The following FALEC variants were observed in gnomAD, a reference collection of about 807,000 sequenced individuals.
FALEC encodes the protein focally amplified lncRNA regulator of ECM1, also known as focally amplified lncRNA on chromosome 1.
chr1:150,529,739 A>C, the FALEC span, among the ~76,000 whole-genome samples: 5 of 151,978 alleles, frequency 3.3e-5, no homozygotes, highest in Non-Finnish European at 7.4e-5. Flanking sequence ...CTGGGACTAC[A>C]GGCGCCTGCC....
chr1:150,525,879 C>A, the FALEC span, among the ~76,000 whole-genome samples: 1 of 152,078 alleles, frequency 6.6e-6, no homozygotes, highest in East Asian at 1.9e-4. Flanking sequence ...TGGCTTCAAG[C>A]AATTCTCCCA....
chr1:150,534,658 A>G, the FALEC span, among the ~76,000 whole-genome samples: 3 of 152,178 alleles, frequency 2.0e-5, no homozygotes, highest in South Asian at 4.1e-4. Flanking sequence ...CCTGGCCAAC[A>G]TGGTGAAACC....
the FALEC span, among the ~76,000 whole-genome samples, chr1:150,525,372 G>A: frequency 3.3e-5 from 5 of 152,268 alleles, no homozygotes; most frequent in Non-Finnish European, 5.9e-5. Context: ...GGCTGAGGTG[G>A]GAGGATCGCT....
chr1:150,522,914 C>CATATATATACGTGT (rs1670669483), downstream of FALEC, among the ~76,000 whole-genome samples: 4 of 58,774 alleles, frequency 6.8e-5, no homozygotes, highest in Non-Finnish European at 1.2e-4. Context: ...CATATATATA[C>CATATATATACGTGT]ATATATATAT....
the FALEC span, among the ~76,000 whole-genome samples, chr1:150,527,618 G>A: frequency 6.6e-6 from 1 of 152,110 alleles, no homozygotes; most frequent in Admixed American, 6.6e-5. Flanking sequence ...CATGGTGGCT[G>A]GTCTGGAACC....
chr1:150,520,783 C>CTTTT (rs71086518), downstream of FALEC, among the ~76,000 whole-genome samples: 188 of 42,842 alleles, frequency 4.4e-3, 3 homozygotes, highest in Non-Finnish European at 6.2e-3. Context: ...CTTTTCTTTT[C>CTTTT]TTTTTTTTTT....
At chr1:150,529,016 C>CAAAAAAAAAAAAAAAAAAAAA in the FALEC span, among the ~76,000 whole-genome samples, 58 of 59,262 alleles carry the variant, frequency 9.8e-4, 3 homozygotes, top group African/African-American at 1.6e-3. Context: ...AAATAAATAG[C>CAAAAAAAAAAAAAAAAAAAAA]AAAAAAAAAA....
At chr1:150,529,716 G>T in the FALEC span, among the ~76,000 whole-genome samples, 1 of 152,048 alleles carries the variant, frequency 6.6e-6, no homozygotes, top group Non-Finnish European at 1.5e-5. Context: ...TCCTGCCTCA[G>T]TCTCCCGAGT....
At chr1:150,522,661 C>A (rs1277642740), downstream of FALEC, among the ~76,000 whole-genome samples, 2 of 150,716 alleles carry the variant, frequency 1.3e-5, no homozygotes, top group Admixed American at 1.3e-4. Flanking sequence ...CACTGTCCAA[C>A]ACAGTAGCCA....
At chr1:150,520,739 A>AT (rs1670627782), downstream of FALEC, among the ~76,000 whole-genome samples, 1 of 95,262 alleles carries the variant, frequency 1.0e-5, no homozygotes, top group Non-Finnish European at 2.2e-5. Flanking sequence ...CATTCATGTT[A>AT]TTTTATATAC....
chr1:150,527,047 T>G, the FALEC span, among the ~76,000 whole-genome samples: 1 of 150,674 alleles, frequency 6.6e-6, no homozygotes, highest in African/African-American at 2.4e-5. Flanking sequence ...GCAATTCTCC[T>G]GTCTCAGCCT....
the FALEC span, among the ~76,000 whole-genome samples, chr1:150,532,303 C>T: frequency 1.3e-5 from 2 of 152,320 alleles, no homozygotes; most frequent in Non-Finnish European, 1.5e-5. Flanking sequence ...TGTCAGTTCC[C>T]TCGTTCCCCT....
chr1:150,522,945 GTGTGTATATATATATATA>G (rs1381967661), downstream of FALEC, among the ~76,000 whole-genome samples: 32 of 8,668 alleles, frequency 3.7e-3, 1 homozygote, highest in South Asian at 6.3e-3. Flanking sequence ...GTGTGTGTGT[GTGTGTATATATATATATA>G]TATATATATA....
chr1:150,527,526 T>C, the FALEC span, among the ~76,000 whole-genome samples: 2 of 152,170 alleles, frequency 1.3e-5, no homozygotes, highest in African/African-American at 4.8e-5. Flanking sequence ...CCCAAAGTGA[T>C]GGGATTACAG....
the FALEC span, among the ~76,000 whole-genome samples, chr1:150,525,900 C>G: frequency 2.0e-5 from 3 of 152,110 alleles, no homozygotes; most frequent in Non-Finnish European, 2.9e-5. Flanking sequence ...TTTCGGCCTC[C>G]CAAAGTGCTG....
At chr1:150,532,153 T>A in the FALEC span, among the ~76,000 whole-genome samples, 1 of 152,116 alleles carries the variant, frequency 6.6e-6, no homozygotes, top group Non-Finnish European at 1.5e-5. Flanking sequence ...CTGATCCACC[T>A]GCCTCGGCCT....
chr1:150,523,124 A>G, the FALEC span, among the ~76,000 whole-genome samples: 1 of 142,540 alleles, frequency 7.0e-6, no homozygotes, highest in African/African-American at 2.6e-5. Flanking sequence ...AGTAGCTGGG[A>G]CTACAGGCAT....
chr1:150,523,347 A>C, the FALEC span, among the ~76,000 whole-genome samples: 3 of 151,114 alleles, frequency 2.0e-5, no homozygotes, highest in Admixed American at 2.0e-4. Context: ...ATGTTACTAA[A>C]ATTTTTTTAA....
the FALEC span, among the ~76,000 whole-genome samples, chr1:150,534,782 C>T: frequency 6.7e-6 from 1 of 148,398 alleles, no homozygotes; most frequent in Non-Finnish European, 1.5e-5. Context: ...TTGGAGGTTG[C>T]AGTGAGCTGA....
Sources: allele counts gnomAD v4.1 joint callset (sites outside exome capture counted in the v4.1 genomes callset), GRCh38; gene constraint gnomAD v4.1.1; transcripts MANE v1.5; gene names NCBI Gene and HGNC (gene_info 2026-07-23, HGNC 2026-07-21).